The following MSRA variants were observed in gnomAD, a reference collection of about 807,000 sequenced individuals.
MSRA encodes mitochondrial peptide methionine sulfoxide reductase.
A neutral mutation model predicts 31.3 loss-of-function variants in MSRA; 54 were observed. That is an observed-to-expected ratio of 1.73 (90% CI 1.39 to 2.17). MSRA has a LOEUF of 2.17. Among genes scored for constraint, MSRA ranks in the 30% most tolerant of loss-of-function variants. The pLI, the probability that MSRA is intolerant of heterozygous loss-of-function variation, is 0.00. For missense variants in MSRA, 507 were observed against 300.9 expected, an observed-to-expected ratio of 1.69 and a Z score of -5.07; for synonymous variants, 169 against 116.5, an observed-to-expected ratio of 1.45 and a Z score of -2.90.
chr8:10,272,898 C>T (rs1799122987), intron 3 of MSRA, among the ~76,000 whole-genome samples: 1 of 152,100 alleles, frequency 6.6e-6, no homozygotes, highest in Admixed American at 6.5e-5. Flanking sequence ...ATAACAGCAT[C>T]TGTAGCAAAT....
At chr8:10,256,436 A>G (rs1798184291) in intron 3 of MSRA, among the ~76,000 whole-genome samples, 2 of 152,174 alleles carry the variant, frequency 1.3e-5, no homozygotes, top group South Asian at 4.1e-4. Context: ...TCAACATAGG[A>G]AACTGGTTTT....
chr8:10,415,845 C>T (rs866564474), intron 5 of MSRA, among the ~76,000 whole-genome samples: 38 of 152,054 alleles, frequency 2.5e-4, no homozygotes, highest in African/African-American at 8.9e-4. Flanking sequence ...GTCAAATTCC[C>T]AGTTCAGTGC....
At position 10,132,565 on chromosome 8, in the gene MSRA, G is replaced by A. The variant is rs1404786225; in HGVS notation, c.143-75268G>A. ...CACTGGCAGATTTGGTGTCTGATGA[G>A]GGCTCTGCTTCCTGGTTTACAGGTG... is the stretch of plus-strand genomic sequence containing the variant. On this transcript the variant is annotated intron_variant, in intron 1 of 5. Transcript: ENST00000317173. Among the ~76,000 whole-genome samples, 5 of 152,182 alleles carry A rather than the reference G, an allele frequency of 3.3e-5. No individual in the cohort carries two copies. In the South Asian group the frequency reaches 8.3e-4, roughly 25 times the overall value.
chr8:10,327,948 A>AC (rs1802463176), intron 5 of MSRA, among the ~76,000 whole-genome samples: 1 of 151,866 alleles, frequency 6.6e-6, no homozygotes, highest in South Asian at 2.1e-4. Flanking sequence ...AACAACAACA[A>AC]AAAAACCTAC....
At chr8:10,263,039 G>A (rs1798562117) in intron 3 of MSRA, among the ~76,000 whole-genome samples, 1 of 152,206 alleles carries the variant, frequency 6.6e-6, no homozygotes, top group Non-Finnish European at 1.5e-5. Context: ...GGTGCTGATT[G>A]TCTTGTTTGT....
At chr8:10,064,665 C>G (rs1400620439) in intron 1 of MSRA, among the ~76,000 whole-genome samples, 1 of 152,070 alleles carries the variant, frequency 6.6e-6, no homozygotes, top group Non-Finnish European at 1.5e-5. Flanking sequence ...GAAAGTAATA[C>G]TAGTGTTGAA....
At chr8:10,288,272 C>G (rs966415852) in intron 3 of MSRA, among the ~76,000 whole-genome samples, 4 of 152,112 alleles carry the variant, frequency 2.6e-5, no homozygotes, top group African/African-American at 4.8e-5. Context: ...CACAGATATA[C>G]TATATACCAC....
chr8:10,269,392 G>T (rs899380222), intron 3 of MSRA, among the ~76,000 whole-genome samples: 2 of 152,128 alleles, frequency 1.3e-5, no homozygotes, highest in African/African-American at 2.4e-5. Flanking sequence ...ATGATATATA[G>T]GCCTACTTAT....
At chr8:10,339,277 G>A (rs747932628) in intron 5 of MSRA, among the ~76,000 whole-genome samples, 8 of 152,172 alleles carry the variant, frequency 5.3e-5, no homozygotes, top group Non-Finnish European at 1.0e-4. Flanking sequence ...CATGGAGACA[G>A]GCCCTTTCTG....
intron 1 of MSRA, among the ~76,000 whole-genome samples, chr8:10,160,270 A>G (rs1239250608): frequency 2.0e-5 from 3 of 152,082 alleles, no homozygotes; most frequent in Non-Finnish European, 4.4e-5. Context: ...TGAGGTGGGC[A>G]GATCACGAGG....
intron 2 of MSRA, among the ~76,000 whole-genome samples, chr8:10,228,951 A>G (rs1283068062): frequency 2.0e-5 from 3 of 152,058 alleles, no homozygotes; most frequent in East Asian, 1.9e-4. Context: ...GGAAAATTTT[A>G]TTTACTCACT....
At chr8:10,066,862 T>G (rs1797478572) in intron 1 of MSRA, among the ~76,000 whole-genome samples, 1 of 151,216 alleles carries the variant, frequency 6.6e-6, no homozygotes, top group Middle Eastern at 3.2e-3. Context: ...GTATGTTCTT[T>G]TATCTTAAAT....
chr8:10,418,534 C>A (rs1204167683), intron 5 of MSRA, among the ~76,000 whole-genome samples: 3 of 151,978 alleles, frequency 2.0e-5, no homozygotes, highest in Non-Finnish European at 4.4e-5. Context: ...GTCATAGGAT[C>A]CTTTGAAATT....
intron 1 of MSRA, among the ~76,000 whole-genome samples, chr8:10,165,661 A>AC (rs765593516): frequency 1.3e-5 from 2 of 151,982 alleles, no homozygotes; most frequent in Non-Finnish European, 2.9e-5. Flanking sequence ...CTACGTCCTA[A>AC]CCCCCAAATC....
intron 1 of MSRA, among the ~76,000 whole-genome samples, chr8:10,200,347 C>G (rs930214975): frequency 6.6e-6 from 1 of 152,196 alleles, no homozygotes; most frequent in African/African-American, 2.4e-5. Context: ...TTGGGGGCAG[C>G]CCCCACTTGC....
At chr8:10,194,332 C>G (rs151099712) in intron 1 of MSRA, among the ~76,000 whole-genome samples, 4 of 152,096 alleles carry the variant, frequency 2.6e-5, no homozygotes, top group Non-Finnish European at 5.9e-5. Context: ...TTTGGGAAGC[C>G]GAGACAGGTG....
At chr8:10,296,910 C>T (rs796166069) in intron 3 of MSRA, among the ~76,000 whole-genome samples, 9 of 152,332 alleles carry the variant, frequency 5.9e-5, no homozygotes, top group African/African-American at 2.2e-4. Flanking sequence ...CTCACCGGCT[C>T]TCTCTTCTGT....
chr8:10,074,058 CTTTTTTT>C (rs534642712), intron 1 of MSRA, among the ~76,000 whole-genome samples: 63 of 29,390 alleles, frequency 2.1e-3, no homozygotes, highest in Non-Finnish European at 2.6e-3. Flanking sequence ...AAGGGAGGTG[CTTTTTTT>C]TTTTTTTTTT....
intron 5 of MSRA, among the ~76,000 whole-genome samples, chr8:10,332,690 C>T (rs1448032197): frequency 6.6e-6 from 1 of 152,176 alleles, no homozygotes; most frequent in Non-Finnish European, 1.5e-5. Context: ...ATTTTCATTT[C>T]CACTTATTAC....
Sources: allele counts gnomAD v4.1 joint callset (sites outside exome capture counted in the v4.1 genomes callset), GRCh38; gene constraint gnomAD v4.1.1; transcripts MANE v1.5; gene names NCBI Gene and HGNC (gene_info 2026-07-23, HGNC 2026-07-21).